TCF7L1: variants seen among roughly 807,000 people sequenced by gnomAD.
TCF7L1 encodes transcription factor 7 like 1, also known as transcription factor 7-like 1.
Under a neutral mutation model 63.7 loss-of-function variants are expected in TCF7L1, and 18 were observed. The ratio of observed to expected loss-of-function variants is 0.28; its 90% CI spans 0.20 to 0.42. The LOEUF (loss-of-function observed/expected upper bound fraction) is 0.42, where lower values mean the gene tolerates loss of function less well. TCF7L1 is among the 10% of genes least tolerant of loss of function. The pLI is 1.00. For missense variants in TCF7L1, 654 were observed against 779.3 expected, an observed-to-expected ratio of 0.84 and a Z score of 1.91; for synonymous variants, 355 against 340.9, an observed-to-expected ratio of 1.04 and a Z score of -0.46.
chr2:85,256,840 G>A (rs1025792896), intron 3 of TCF7L1, among the ~76,000 whole-genome samples: 1 of 151,996 alleles, frequency 6.6e-6, no homozygotes, highest in Admixed American at 6.6e-5. Flanking sequence ...AAAATTAGCC[G>A]GGTGTGGTGG....
At chr2:85,200,428 G>A (rs947023271) in intron 3 of TCF7L1, among the ~76,000 whole-genome samples, 3 of 152,126 alleles carry the variant, frequency 2.0e-5, no homozygotes. Flanking sequence ...TTACAATAAA[G>A]TAAGCTAAAG....
chr2:85,260,619 C>T (rs888012254), intron 3 of TCF7L1, among the ~76,000 whole-genome samples: 34 of 148,428 alleles, frequency 2.3e-4, no homozygotes, highest in Non-Finnish European at 3.4e-4. Flanking sequence ...ACTCCAACCC[C>T]GGTGACAGAG....
At chr2:85,248,634 A>G (rs1433080141) in intron 3 of TCF7L1, among the ~76,000 whole-genome samples, 2 of 152,188 alleles carry the variant, frequency 1.3e-5, no homozygotes, top group Non-Finnish European at 2.9e-5. Context: ...GGGAGGAAGA[A>G]GAGTATCTCA....
chr2:85,197,401 A>T (rs1679183201), intron 3 of TCF7L1, among the ~76,000 whole-genome samples: 1 of 152,230 alleles, frequency 6.6e-6, no homozygotes, highest in African/African-American at 2.4e-5. Context: ...ACTCTGTCTC[A>T]AAAAATATAT....
At chr2:85,166,989 C>G (rs1388283819) in intron 3 of TCF7L1, 1 of 152,226 alleles carries the variant, frequency 6.6e-6, no homozygotes, top group Non-Finnish European at 1.5e-5. Flanking sequence ...AGCTCTGCCT[C>G]CTGGGTTCAC....
intron 3 of TCF7L1, among the ~76,000 whole-genome samples, chr2:85,255,353 C>T (rs968637657): frequency 2.6e-5 from 4 of 152,182 alleles, no homozygotes; most frequent in Non-Finnish European, 5.9e-5. Context: ...GTCCAGCTGT[C>T]TCCCCATTCC....
intron 3 of TCF7L1, among the ~76,000 whole-genome samples, chr2:85,271,378 T>G (rs1681150231): frequency 6.6e-6 from 1 of 152,264 alleles, no homozygotes; most frequent in African/African-American, 2.4e-5. Context: ...CCGAAAGTGC[T>G]GGGATTACAG....
chr2:85,182,535 T>G (rs906695093), intron 3 of TCF7L1, among the ~76,000 whole-genome samples: 15 of 152,126 alleles, frequency 9.9e-5, no homozygotes, highest in African/African-American at 3.6e-4. Context: ...CCAGGCAGGA[T>G]AAGATAACCC....
chr2:85,179,030 C>T (rs1013822892), intron 3 of TCF7L1, among the ~76,000 whole-genome samples: 12 of 152,190 alleles, frequency 7.9e-5, no homozygotes, highest in Non-Finnish European at 1.8e-4. Context: ...AGGGAGGGCT[C>T]CTGGAAGACA....
intron 3 of TCF7L1, among the ~76,000 whole-genome samples, chr2:85,164,289 A>C (rs539634879): frequency 6.6e-6 from 1 of 152,318 alleles, no homozygotes; most frequent in East Asian, 1.9e-4. Context: ...AGAGATGAAT[A>C]TAATTCCCCT....
At chr2:85,204,126 C>T (rs1005590149) in intron 3 of TCF7L1, among the ~76,000 whole-genome samples, 4 of 152,096 alleles carry the variant, frequency 2.6e-5, no homozygotes, top group African/African-American at 9.7e-5. Flanking sequence ...TGAAATTCTT[C>T]CTTGATTTTC....
intron 3 of TCF7L1, among the ~76,000 whole-genome samples, chr2:85,152,053 T>C (rs974741815): frequency 2.6e-5 from 4 of 152,248 alleles, no homozygotes; most frequent in African/African-American, 9.6e-5. Flanking sequence ...TCCTTATTGA[T>C]ACCCAAACTG....
intron 3 of TCF7L1, among the ~76,000 whole-genome samples, chr2:85,252,945 T>C (rs1680630680): frequency 6.6e-6 from 1 of 152,202 alleles, no homozygotes; most frequent in African/African-American, 2.4e-5. Context: ...ATTGCTTTAC[T>C]TTAGGAAATT....
At chr2:85,294,183 C>T (rs1369318101) in intron 4 of TCF7L1, among the ~76,000 whole-genome samples, 1 of 151,718 alleles carries the variant, frequency 6.6e-6, no homozygotes, top group Non-Finnish European at 1.5e-5. Context: ...ACTACAGGCA[C>T]CCGCCACCAC....
intron 3 of TCF7L1, among the ~76,000 whole-genome samples, chr2:85,264,067 G>A (rs1388335786): frequency 6.6e-6 from 1 of 152,190 alleles, no homozygotes; most frequent in South Asian, 2.1e-4. Context: ...TGACGGTTTT[G>A]TAAAGAGCTT....
chr2:85,196,739 G>T (rs1679166241), intron 3 of TCF7L1, among the ~76,000 whole-genome samples: 1 of 152,146 alleles, frequency 6.6e-6, no homozygotes, highest in Non-Finnish European at 1.5e-5. Flanking sequence ...CTAGAGGATA[G>T]TGCATTTAAT....
At chr2:85,177,498 C>T (rs978481739) in intron 3 of TCF7L1, among the ~76,000 whole-genome samples, 3 of 152,018 alleles carry the variant, frequency 2.0e-5, no homozygotes, top group African/African-American at 7.3e-5. Context: ...TGAGCCCAGG[C>T]ATTTGAAAGT....
At chr2:85,203,299 A>G (rs2104280494) in intron 3 of TCF7L1, among the ~76,000 whole-genome samples, 1 of 152,368 alleles carries the variant, frequency 6.6e-6, no homozygotes, top group East Asian at 1.9e-4. Flanking sequence ...GCTCTGTCAC[A>G]GGTGAGTTGC....
intron 3 of TCF7L1, among the ~76,000 whole-genome samples, chr2:85,264,527 C>T (rs756073023): frequency 4.6e-5 from 7 of 152,140 alleles, no homozygotes; most frequent in Non-Finnish European, 1.0e-4. Flanking sequence ...CAGGCCTGAA[C>T]AAGACCTGAT....
Sources: gnomAD v4.1 joint callset for allele counts (sites outside exome capture counted in the v4.1 genomes callset) on GRCh38, gnomAD v4.1.1 for gene constraint, MANE v1.5 for transcripts, NCBI Gene and HGNC (gene_info 2026-07-23, HGNC 2026-07-21) for gene names.